The following EGFLAM variants were observed in gnomAD, a reference collection of about 807,000 sequenced individuals.
EGFLAM encodes the protein EGF like, fibronectin type III and laminin G domains.
EGFLAM carries 79 observed loss-of-function variants against 113.1 expected under a neutral mutation model. That is an observed-to-expected ratio of 0.70 (90% CI 0.58 to 0.84). The LOEUF (loss-of-function observed/expected upper bound fraction) is 0.84. EGFLAM is among the 40% of genes least tolerant of loss of function. The pLI, the probability that EGFLAM is intolerant of heterozygous loss-of-function variation, is 0.00. For missense variants in EGFLAM, 1,265 were observed against 1,291.6 expected (o/e 0.98, Z 0.32); for synonymous variants, 504 against 487.6 (o/e 1.03, Z -0.44).
Position 38,427,146 on chromosome 5 carries a change from C to T in EGFLAM, c.1948C>T (p.Leu650Phe), listed in dbSNP as rs760102664. ...TCGGCCAGACTCAGGAGATGGTGTCCTCCTGTACAGCTATGACACAGGCAG... is the reference window on the plus strand; with the variant it reads ...TCGGCCAGACTCAGGAGATGGTGTCTTCCTGTACAGCTATGACACAGGCAG... ...TFRPDSGDGVLLYSYDTGSKD... is the reference protein window; with the variant it reads ...TFRPDSGDGVFLYSYDTGSKD... Residue 650 changes from leucine (L) to phenylalanine (F), a missense_variant, in exon 14 of 22, where the codon CTC (leucine) becomes TTC (phenylalanine). Transcript: ENST00000322350. 1.2e-6 allele frequency: 2 copies of T among 1,614,162 alleles called. No individual in the cohort carries two copies. Among genetic ancestry groups the T allele is most frequent in the Non-Finnish European group, 1.7e-6 (2 of 1,180,024 alleles).
At chr5:38,295,553 A>C (rs953483100) in intron 1 of EGFLAM, among the ~76,000 whole-genome samples, 10 of 152,210 alleles carry the variant, frequency 6.6e-5, no homozygotes, top group Non-Finnish European at 1.5e-4. Context: ...ATTTTACTAC[A>C]TGGGAAAGTC....
chr5:38,408,972 T>C, intron 9 of EGFLAM, 32 bp from the exon 10 acceptor site: 1 of 1,543,024 alleles, frequency 6.5e-7, no homozygotes, highest in Non-Finnish European at 8.8e-7. Context: ...AGGTGCTTAC[T>C]GTTCATGTGG....
chr5:38,290,579 A>AG (rs1200498591), intron 1 of EGFLAM: 1 of 151,050 alleles, frequency 6.6e-6, no homozygotes, highest in Non-Finnish European at 1.5e-5. Flanking sequence ...GCTCTAACCA[A>AG]AAAAAAAATG....
At chr5:38,385,352 G>C (rs1414166838) in intron 6 of EGFLAM, among the ~76,000 whole-genome samples, 1 of 133,206 alleles carries the variant, frequency 7.5e-6, no homozygotes, top group Non-Finnish European at 1.5e-5. Flanking sequence ...ATATAAAATA[G>C]AGTAGTATTT....
intron 2 of EGFLAM, among the ~76,000 whole-genome samples, chr5:38,338,465 C>T (rs911271857): frequency 2.6e-5 from 4 of 152,190 alleles, no homozygotes; most frequent in Non-Finnish European, 1.5e-5. Context: ...CATGTGCAGA[C>T]CTCTGCATTT....
chr5:38,288,608 T>C (rs1052156244), intron 1 of EGFLAM, among the ~76,000 whole-genome samples: 1 of 152,148 alleles, frequency 6.6e-6, no homozygotes, highest in Non-Finnish European at 1.5e-5. Context: ...GCTGAGAAAA[T>C]ATAGGTCTCT....
intron 12 of EGFLAM, among the ~76,000 whole-genome samples, chr5:38,421,963 T>G (rs1420520072): frequency 6.6e-6 from 1 of 151,944 alleles, no homozygotes; most frequent in Non-Finnish European, 1.5e-5. Flanking sequence ...CCAGCTGAGG[T>G]CTATTGCAGT....
At chr5:38,458,997 C>T (rs1456217387) in intron 20 of EGFLAM, among the ~76,000 whole-genome samples, 1 of 151,636 alleles carries the variant, frequency 6.6e-6, no homozygotes, top group Non-Finnish European at 1.5e-5. Flanking sequence ...ACTTTCAAAT[C>T]TCATTGTACA....
At chr5:38,297,559 A>G (rs1370465613) in intron 1 of EGFLAM, among the ~76,000 whole-genome samples, 1 of 152,178 alleles carries the variant, frequency 6.6e-6, no homozygotes, top group Non-Finnish European at 1.5e-5. Context: ...TGGATTTTGG[A>G]ATTTTTCTAA....
chr5:38,325,978 A>AT (rs1399282760), intron 1 of EGFLAM, among the ~76,000 whole-genome samples: 1 of 151,988 alleles, frequency 6.6e-6, no homozygotes, highest in Admixed American at 6.6e-5. Flanking sequence ...GTTTATTTAT[A>AT]TAAATATTAC....
intron 1 of EGFLAM, among the ~76,000 whole-genome samples, chr5:38,332,652 G>A (rs1224567002): frequency 1.3e-5 from 2 of 152,240 alleles, no homozygotes; most frequent in Non-Finnish European, 2.9e-5. Context: ...TATTTCTATA[G>A]ATTATAGATT....
At chr5:38,424,748 T>C (rs539585859) in intron 12 of EGFLAM, among the ~76,000 whole-genome samples, 1 of 152,330 alleles carries the variant, frequency 6.6e-6, no homozygotes, top group African/African-American at 2.4e-5. Flanking sequence ...TTAAAGTCTC[T>C]ATGGCTCTTC....
At chr5:38,330,308 G>A (rs1179963391) in intron 1 of EGFLAM, among the ~76,000 whole-genome samples, 4 of 152,246 alleles carry the variant, frequency 2.6e-5, no homozygotes, top group African/African-American at 7.2e-5. Context: ...TTTTCCTGCT[G>A]CTATTTCTCC....
At chr5:38,416,873 T>C (rs1241570753) in intron 11 of EGFLAM, among the ~76,000 whole-genome samples, 1 of 152,178 alleles carries the variant, frequency 6.6e-6, no homozygotes, top group African/African-American at 2.4e-5. Flanking sequence ...ATGATTCTTA[T>C]CTCTTCATCA....
At chr5:38,463,725 G>A in intron 21 of EGFLAM, 107 bp from the exon 22 acceptor site, 1 of 1,379,566 alleles carries the variant, frequency 7.2e-7, no homozygotes, top group Non-Finnish European at 1.0e-6. Flanking sequence ...ATGAATCAAG[G>A]GATGCCTTGG....
intron 1 of EGFLAM, among the ~76,000 whole-genome samples, chr5:38,291,315 C>T (rs1020511878): frequency 2.0e-5 from 3 of 152,184 alleles, no homozygotes; most frequent in South Asian, 2.1e-4. Flanking sequence ...ATTTCATTTT[C>T]GGCCCATGTT....
At chr5:38,273,134 T>C (rs539159139) in intron 1 of EGFLAM, among the ~76,000 whole-genome samples, 6 of 152,238 alleles carry the variant, frequency 3.9e-5, no homozygotes, top group African/African-American at 1.4e-4. Flanking sequence ...ACATTACCCA[T>C]GTCACCCCTT....
chr5:38,417,572 C>G (rs1427395558), intron 11 of EGFLAM, among the ~76,000 whole-genome samples: 11 of 151,780 alleles, frequency 7.2e-5, no homozygotes, highest in Admixed American at 4.6e-4. Context: ...TTCCCCTCCA[C>G]CCCCCGTCCA....
intron 1 of EGFLAM, among the ~76,000 whole-genome samples, chr5:38,320,252 A>C (rs937475644): frequency 6.6e-6 from 1 of 152,222 alleles, no homozygotes; most frequent in Non-Finnish European, 1.5e-5. Context: ...CACTGGTTCA[A>C]GAGGCAGCAG....
Sources: gnomAD v4.1 joint callset for allele counts (sites outside exome capture counted in the v4.1 genomes callset) on GRCh38, gnomAD v4.1.1 for gene constraint, MANE v1.5 for transcripts, NCBI Gene and HGNC (gene_info 2026-07-23, HGNC 2026-07-21) for gene names.